POPDC1: variants seen among roughly 807,000 people sequenced by gnomAD.
POPDC1 encodes the protein popeye domain cAMP effector 1, also known as popeye domain-containing protein 1.
chr6:105,103,825 C>T, the POPDC1 span, among the ~76,000 whole-genome samples: 3 of 152,122 alleles, frequency 2.0e-5, no homozygotes, highest in African/African-American at 7.2e-5. Flanking sequence ...AACTCTCTCA[C>T]CTATACTTTG....
chr6:105,125,045 T>G, the POPDC1 span, among the ~76,000 whole-genome samples: 2 of 152,212 alleles, frequency 1.3e-5, no homozygotes, highest in Non-Finnish European at 1.5e-5. Context: ...TTTTGTGATA[T>G]TCAAGACAAA....
the POPDC1 span, among the ~76,000 whole-genome samples, chr6:105,132,468 C>T: frequency 6.6e-6 from 1 of 152,162 alleles, no homozygotes; most frequent in African/African-American, 2.4e-5. Flanking sequence ...CTCCGTGTCC[C>T]CCTGGATAAT....
At chr6:105,115,842 T>C in the POPDC1 span, 1 of 1,611,522 alleles carries the variant, frequency 6.2e-7, no homozygotes, top group South Asian at 1.1e-5. Flanking sequence ...AAAGCAAAGT[T>C]TTAAGCTTTC....
the POPDC1 span, chr6:105,133,359 T>A: frequency 6.2e-7 from 1 of 1,611,654 alleles, no homozygotes; most frequent in Non-Finnish European, 8.5e-7. Flanking sequence ...TACCTAGAGT[T>A]AACATTCCCC....
the POPDC1 span, among the ~76,000 whole-genome samples, chr6:105,124,314 G>A: frequency 4.0e-5 from 6 of 150,982 alleles, no homozygotes; most frequent in East Asian, 5.8e-4. Flanking sequence ...CCTGGGAGGC[G>A]GAGCTTGCAG....
the POPDC1 span, among the ~76,000 whole-genome samples, chr6:105,121,964 A>T: frequency 6.6e-6 from 1 of 152,198 alleles, no homozygotes; most frequent in Non-Finnish European, 1.5e-5. Flanking sequence ...GAGGGTGGAG[A>T]AGCCTGATGG....
At chr6:105,102,896 C>T in the POPDC1 span, among the ~76,000 whole-genome samples, 1 of 152,292 alleles carries the variant, frequency 6.6e-6, no homozygotes, top group South Asian at 2.1e-4. Flanking sequence ...AAATTGTTCA[C>T]TTACAGACAT....
chr6:105,100,030 T>C, the POPDC1 span: 7 of 152,102 alleles, frequency 4.6e-5, no homozygotes, highest in African/African-American at 1.2e-4. Context: ...CAGCTTCAGG[T>C]TTCAGAGCAG....
the POPDC1 span, among the ~76,000 whole-genome samples, chr6:105,105,553 G>A: frequency 6.6e-6 from 1 of 152,160 alleles, no homozygotes; most frequent in Non-Finnish European, 1.5e-5. Context: ...AGACTTACTG[G>A]TTCAATGGAA....
At chr6:105,122,365 T>C in the POPDC1 span, among the ~76,000 whole-genome samples, 2 of 152,208 alleles carry the variant, frequency 1.3e-5, no homozygotes, top group African/African-American at 4.8e-5. Context: ...TTGGAATCTT[T>C]CTAATTACCG....
chr6:105,111,662 C>T, the POPDC1 span, among the ~76,000 whole-genome samples: 2 of 152,214 alleles, frequency 1.3e-5, no homozygotes, highest in Non-Finnish European at 2.9e-5. Flanking sequence ...ACTTCACTTT[C>T]TTCCCACAAT....
the POPDC1 span, chr6:105,124,652 C>T: frequency 6.3e-7 from 1 of 1,579,282 alleles, no homozygotes; most frequent in South Asian, 1.1e-5. Context: ...AGGAGACCTT[C>T]ATTCTGATAA....
At chr6:105,108,950 G>A in the POPDC1 span, among the ~76,000 whole-genome samples, 1 of 151,976 alleles carries the variant, frequency 6.6e-6, no homozygotes, top group African/African-American at 2.4e-5. Flanking sequence ...GGATGCTAAT[G>A]TCCTCACCTT....
chr6:105,101,908 A>T, the POPDC1 span, among the ~76,000 whole-genome samples: 1 of 152,258 alleles, frequency 6.6e-6, no homozygotes, highest in Non-Finnish European at 1.5e-5. Flanking sequence ...CCAAATGGTT[A>T]TCAAGCATCT....
At chr6:105,121,513 C>T in the POPDC1 span, among the ~76,000 whole-genome samples, 1 of 152,124 alleles carries the variant, frequency 6.6e-6, no homozygotes, top group East Asian at 1.9e-4. Context: ...GGTGATCCAC[C>T]CGCCTCAGCC....
chr6:105,125,710 C>T, the POPDC1 span: 2 of 844,876 alleles, frequency 2.4e-6, no homozygotes, highest in Non-Finnish European at 3.7e-6. Context: ...GTATTTAGGC[C>T]AATAGAATCT....
the POPDC1 span, among the ~76,000 whole-genome samples, chr6:105,107,587 G>C: frequency 8.3e-4 from 126 of 152,250 alleles, no homozygotes; most frequent in African/African-American, 2.9e-3. Flanking sequence ...TTTTTAAAAA[G>C]GAGCAACATT....
chr6:105,103,335 G>A, the POPDC1 span, among the ~76,000 whole-genome samples: 1 of 152,238 alleles, frequency 6.6e-6, no homozygotes, highest in East Asian at 1.9e-4. Context: ...GAAGGCTATG[G>A]ACTTAATAAT....
chr6:105,125,672 A>G, the POPDC1 span: 1 of 1,175,248 alleles, frequency 8.5e-7, no homozygotes, highest in Non-Finnish European at 1.2e-6. Context: ...ATAATTAACA[A>G]ATCTTTGATA....
Sources: gnomAD v4.1 joint callset for allele counts (sites outside exome capture counted in the v4.1 genomes callset) on GRCh38, gnomAD v4.1.1 for gene constraint, MANE v1.5 for transcripts, NCBI Gene and HGNC (gene_info 2026-07-23, HGNC 2026-07-21) for gene names.